ITGA7: variants seen among roughly 807,000 people sequenced by gnomAD.
The protein encoded by ITGA7 is integrin subunit alpha 7, also known as integrin alpha-7.
A neutral mutation model predicts 131.6 loss-of-function variants in ITGA7; 84 were observed. That is an observed-to-expected ratio of 0.64 (90% CI 0.54 to 0.77). The LOEUF is 0.77. Among genes scored for constraint, ITGA7 ranks in the 30% least tolerant of loss-of-function variants. The pLI is 0.00. For missense variants in ITGA7, 1,399 were observed against 1,482.9 expected, an observed-to-expected ratio of 0.94 and a Z score of 0.93; for synonymous variants, 548 against 600.7, an observed-to-expected ratio of 0.91 and a Z score of 1.28.
rs749921084 is a variant in ITGA7 at position 55,701,020 on chromosome 12, G to T, written c.549C>A (p.Phe183Leu). The T allele has an allele frequency of 1.2e-6, 2 of 1,614,208 alleles. No homozygotes were observed. Among genetic ancestry groups the T allele is most frequent in the Admixed American group, 3.3e-5 (2 of 60,028 alleles). The part of the protein sequence containing the change: ...RDELDGGEWK[F>L]CEGRPQGHEQ... ...CATGGCCTTGGGGGCGTCCCTCACA[G>T]AACTTCCATTCCCCACCATCCAACT... is the stretch of plus-strand genomic sequence containing the variant. The change falls in exon 4 of 25, where the codon TTC (phenylalanine) becomes TTA (leucine). Residue 183 changes from phenylalanine (F) to leucine (L), a missense_variant. Coordinates refer to ENST00000257879, the MANE Select transcript of ITGA7 (RefSeq NM_002206.3).
chr12:55,707,654 C>A lies in ITGA7; in HGVS notation c.29G>T (p.Trp10Leu), dbSNP rs775325159. 2 of 1,592,222 alleles carry A rather than the reference C, an allele frequency of 1.3e-6. No homozygotes were observed. Among genetic ancestry groups the A allele is most frequent in the African/African-American group, 2.7e-5 (2 of 74,424 alleles). ...AAGGTAGCAAATCCCGGAGGCCCCC[C>A]AAGGGTCGCGGCTCCGAGCCCCGGC... is the stretch of plus-strand genomic sequence containing the variant. MAGARSRDPWGASGICYLFG... is the reference protein window; with the variant it reads MAGARSRDPLGASGICYLFG... The change falls in exon 1 of 25, where the codon TGG becomes TTG. Residue 10 changes from tryptophan (W) to leucine (L), a missense_variant. By Grantham distance (61) the Trp-to-Leu change is moderately conservative. Transcript: ENST00000257879.
At chr12:55,687,169 CTTTTTTTTTTTTTT>C (rs1187388992) in intron 24 of ITGA7, among the ~76,000 whole-genome samples, 1 of 88,178 alleles carries the variant, frequency 1.1e-5, no homozygotes, top group East Asian at 3.0e-4. Flanking sequence ...CATCTGATTT[CTTTTTTTTTTTTTT>C]TTTTTTTTTT....
upstream of ITGA7, chr12:55,715,783 A>T (rs1876467722): frequency 5.2e-6 from 2 of 385,316 alleles, no homozygotes; most frequent in Non-Finnish European, 9.3e-6. Context: ...AAATGAGGCC[A>T]GGGAGCTTCT....
At chr12:55,712,070 G>A (rs1384870148), upstream of ITGA7, 3 of 1,551,260 alleles carry the variant, frequency 1.9e-6, no homozygotes, top group Non-Finnish European at 2.6e-6. Context: ...CACCTCTCCA[G>A]CACTGGAATC....
At chr12:55,710,285 C>T (rs895995461), upstream of ITGA7, among the ~76,000 whole-genome samples, 1 of 151,926 alleles carries the variant, frequency 6.6e-6, no homozygotes, top group African/African-American at 2.4e-5. Flanking sequence ...CACTTAAACC[C>T]AGGAGACGGA....
At chr12:55,685,725 TACTTGTACCTTGGGCGGC>T (rs1565607579) in intron 24 of ITGA7, among the ~76,000 whole-genome samples, 1 of 152,224 alleles carries the variant, frequency 6.6e-6, no homozygotes, top group Non-Finnish European at 1.5e-5. Context: ...GCACCCCGTG[TACTTGTACCTTGGGCGGC>T]ACGCCCCTTA....
At chr12:55,691,132 A>T (rs967300969) in intron 21 of ITGA7, among the ~76,000 whole-genome samples, 1 of 151,614 alleles carries the variant, frequency 6.6e-6, no homozygotes, top group African/African-American at 2.4e-5. Flanking sequence ...TAATAAAATT[A>T]AAAAATAAAA....
chr12:55,701,512 C>G (rs913757400), intron 3 of ITGA7: 1 of 1,218,512 alleles, frequency 8.2e-7, no homozygotes, highest in East Asian at 2.5e-5. Context: ...TTGGCCCTGT[C>G]CCTGGACCTT....
In ITGA7 at chr12:55,707,825, C is replaced by CAA. The variant is rs2136104804; in HGVS notation, c.-144_-143insTT. On this transcript the variant is annotated 5_prime_UTR_variant, in exon 1 of 25. Transcript: ENST00000257879. ...CCCAGACGTTCGCCCCGCCAGCCCT[C>CAA]CCGCCCGCCCGCCGCTCCGCCACCC... The CAA allele has an allele frequency of 7.2e-6, 9 of 1,255,512 alleles. No individual in the cohort carries two copies. The highest frequency in any genetic ancestry group is 9.8e-6 in the Non-Finnish European group (9 of 920,314). 77.8% of individuals were successfully genotyped at this position (1,255,512 alleles called of 1,614,324 possible).
chr12:55,698,268 G>A, intron 7 of ITGA7, 115 bp downstream of exon 7: 1 of 1,027,168 alleles, frequency 9.7e-7, no homozygotes, highest in Middle Eastern at 3.2e-4. Context: ...TCAGACATAA[G>A]CTCAGGGACC....
At chr12:55,702,010 C>CGTTG (rs1247439570) in intron 3 of ITGA7, among the ~76,000 whole-genome samples, 1 of 151,954 alleles carries the variant, frequency 6.6e-6, no homozygotes, top group Non-Finnish European at 1.5e-5. Context: ...CTGGTTTTTT[C>CGTTG]GTTTGTTTGT....
chr12:55,706,582 C>T (rs148947181), intron 1 of ITGA7, among the ~76,000 whole-genome samples: 2 of 152,264 alleles, frequency 1.3e-5, no homozygotes, highest in African/African-American at 4.8e-5. Flanking sequence ...TTTTTACAAT[C>T]AGACATGTAG....
chr12:55,693,226 A>G lies in ITGA7; in HGVS notation c.2627T>C (p.Leu876Pro). 1 of 1,614,078 alleles carries G rather than the reference A, an allele frequency of 6.2e-7. No homozygotes were observed. Among genetic ancestry groups the G allele is most frequent in the Non-Finnish European group, 8.5e-7 (1 of 1,180,010 alleles). Residue 876 changes from leucine (L) to proline (P), a missense_variant, in exon 20 of 25, where the codon CTG becomes CCG. Leu to Pro is a moderately conservative substitution (Grantham distance 98). Transcript: ENST00000257879. ...PHEIANGKWL[L>P]YPMQVELEGG... The stretch of plus-strand genomic sequence containing the variant: ...CTCCAGCTCAACCTGCATTGGGTAC[A>G]GCAACCACTTCCCATTGGCAATCTC...
In ITGA7 at chr12:55,692,856, TTTC is replaced by T. The variant is rs751581346; in HGVS notation, c.2829_2831del (p.Lys944del). 4 of 1,612,728 alleles carry T rather than the reference TTTC, an allele frequency of 2.5e-6. No individual in the cohort carries two copies. In the South Asian group the frequency reaches 3.3e-5, roughly 13 times the overall value. ...GGCCTGCCCTCACCAGGGTGATGTTTTTCTTCTTCTCAGCAGAGGACACTGGCC... is the reference window on the plus strand; with the variant it reads ...GGCCTGCCCTCACCAGGGTGATGTTTTTCTTCTCAGCAGAGGACACTGGCC... On this transcript the variant is annotated inframe_deletion, in exon 21 of 25. Transcript: ENST00000257879.
intron 3 of ITGA7, 46 bp downstream of exon 3, chr12:55,702,826 C>T: frequency 2.0e-6 from 3 of 1,525,600 alleles, no homozygotes; most frequent in South Asian, 1.1e-5. Flanking sequence ...AACACACACA[C>T]ACACACACCC....
chr12:55,701,666 G>A lies in ITGA7; in HGVS notation c.415-512C>T, dbSNP rs377100985. The stretch of plus-strand genomic sequence containing the variant: ...CACAATCATGGCTCACTGCAGCCTC[G>A]ACCTCCAGGGCTCAAGTGATCCTCC... On this transcript the variant is annotated intron_variant, in intron 3 of 24. Coordinates refer to ENST00000257879, the MANE Select transcript of ITGA7 (RefSeq NM_002206.3). Among the ~76,000 whole-genome samples the A allele has an allele frequency of 2.8e-4, 43 of 151,058 alleles. No homozygotes were observed. The East Asian group carries it at 2.9e-3, about 10-fold the overall frequency.
rs1244397756 is a variant in ITGA7 at position 55,694,772 on chromosome 12, C to A, written c.2196+6G>T. 6.2e-7 allele frequency: 1 copy of A among 1,613,980 alleles called. No homozygotes were observed. The highest frequency in any genetic ancestry group is 2.2e-5 in the East Asian group (1 of 44,868). ...ACCCCACCCCATCCTGCCCCCAGGT[C>A]CTCACCGCAGGGTCCAGGGCCCGGA... is the stretch of plus-strand genomic sequence containing the variant. On this transcript the variant is annotated splice_donor_region_variant and intron_variant, in intron 15 of 24. Coordinates refer to ENST00000257879, the MANE Select transcript of ITGA7 (RefSeq NM_002206.3). This position sits in a 1 kb window ranked among gnomAD's most constrained non-coding sequence, Gnocchi z 5.3.
chr12:55,702,822 C>T (rs762330376), intron 3 of ITGA7, 50 bp downstream of exon 3: 9 of 1,487,248 alleles, frequency 6.1e-6, no homozygotes, highest in Non-Finnish European at 8.4e-6. Flanking sequence ...CATAAACACA[C>T]ACACACACAC....
intron 21 of ITGA7, among the ~76,000 whole-genome samples, chr12:55,690,639 T>C (rs1334837745): frequency 6.1e-5 from 9 of 147,360 alleles, no homozygotes; most frequent in African/African-American, 1.7e-4. Flanking sequence ...CCCAAAGGAC[T>C]ATAAATCATG....
Sources: gnomAD v4.1 joint callset for allele counts (sites outside exome capture counted in the v4.1 genomes callset) on GRCh38, gnomAD v4.1.1 for gene constraint, Gnocchi (gnomAD v3.1) non-coding constraint, MANE v1.5 for transcripts, NCBI Gene and HGNC (gene_info 2026-07-23, HGNC 2026-07-21) for gene names.